The following CROCC2 variants were observed in gnomAD, a reference collection of about 807,000 sequenced individuals.
CROCC2 encodes ciliary rootlet coiled-coil protein 2.
In CROCC2, 163 loss-of-function variants were observed where a neutral mutation model predicts 177.6. The ratio of observed to expected loss-of-function variants is 0.92; its 90% CI spans 0.81 to 1.05. The LOEUF (loss-of-function observed/expected upper bound fraction) is 1.05. Ranked by LOEUF, CROCC2 falls within the 50% of genes least tolerant of loss-of-function variation. The pLI is 0.00. For missense variants in CROCC2, 1,929 were observed against 1,797.8 expected, an observed-to-expected ratio of 1.07 and a Z score of -1.32; for synonymous variants, 904 against 787.3, an observed-to-expected ratio of 1.15 and a Z score of -2.48.
rs1377167100 is a variant in CROCC2, at chr2:240,918,330, C to G, written c.79-396C>G. ...ACCGTGCAAACAAGCTGTGAGACCA[C>G]CTGCTCCAGGTGGGCGAGGATGTTG... On this transcript the variant is annotated intron_variant, in intron 1 of 31. Transcript: ENST00000690015. The surrounding 1 kb of genome is among the most constrained non-coding windows in gnomAD (Gnocchi z 6.3). Among the ~76,000 whole-genome samples the G allele has an allele frequency of 6.6e-6, 1 of 152,194 alleles. No homozygotes were observed. The highest frequency in any genetic ancestry group is 1.5e-5 in the Non-Finnish European group (1 of 68,030).
Position 240,949,488 on chromosome 2 carries a change from G to T in CROCC2, c.2483-45G>T, listed in dbSNP as rs538107709. ...CCTAGGAAGTCCCAAAGGGTTCAGG[G>T]GTCCACATGCCAGGCCCTGGTGCAT... On this transcript the variant is annotated intron_variant, in intron 16 of 31. Coordinates refer to ENST00000690015, the MANE Select transcript of CROCC2 (RefSeq NM_001351305.2). The surrounding 1 kb of genome is among the most constrained non-coding windows in gnomAD (Gnocchi z 4.5). The T allele has an allele frequency of 1.0e-5, 16 of 1,542,312 alleles. No homozygotes were observed. In the South Asian group the frequency reaches 1.7e-4, roughly 16 times the overall value.
In CROCC2 at chr2:240,949,404, G is replaced by A. The variant is rs2059540529; in HGVS notation, c.2483-129G>A. 3 of 1,205,914 alleles carry A rather than the reference G, an allele frequency of 2.5e-6. No individual in the cohort carries two copies. Among genetic ancestry groups the A allele is most frequent in the Non-Finnish European group, 2.3e-6 (2 of 864,338 alleles). The allele number at this position is 1,205,914 out of a possible 1,614,324, so 74.7% of individuals were successfully genotyped here. On this transcript the variant is annotated intron_variant, in intron 16 of 31. Transcript: ENST00000690015. This position sits in a 1 kb window ranked among gnomAD's most constrained non-coding sequence, Gnocchi z 4.5. ...CCCTGCTCAGCCCACCCTGCCATGT[G>A]CTGGCCACCCACTCCCGGAGCCTGG...
intron 5 of CROCC2, among the ~76,000 whole-genome samples, chr2:240,926,283 C>T (rs1424826510): frequency 3.9e-5 from 6 of 152,240 alleles, no homozygotes; most frequent in African/African-American, 1.4e-4. Context: ...CGTGGCCCCC[C>T]AGGTCCCCCT....
In CROCC2 at chr2:240,973,470, G is replaced by A. The variant is rs556761791; in HGVS notation, c.4401+5208G>A. 1.8e-4 allele frequency among the ~76,000 whole-genome samples: 28 copies of A among 152,094 alleles called. No homozygotes were observed. Among genetic ancestry groups the A allele is most frequent in the East Asian group, 1.7e-3 (9 of 5,168 alleles). On this transcript the variant is annotated intron_variant, in intron 27 of 31. Transcript: ENST00000690015. The surrounding 1 kb of genome is among the most constrained non-coding windows in gnomAD (Gnocchi z 4.7). The stretch of plus-strand genomic sequence containing the variant: ...GGACTGGCGCCCAGTCACAGCCTCC[G>A]TGGCTCAGGGAAGCTCACGGCGTTC...
In CROCC2 at chr2:240,982,680, C is replaced by T. The variant is rs902944897; in HGVS notation, c.4402-200C>T. ...CTTTCGTCTCAGGCTTCCTGGGGGT[C>T]CACACCTTTGAGGTTACATTGCAAA... On this transcript the variant is annotated intron_variant, in intron 27 of 31. Transcript: ENST00000690015. The surrounding 1 kb of genome is among the most constrained non-coding windows in gnomAD (Gnocchi z 4.7). 14 of 522,190 alleles carry T rather than the reference C, an allele frequency of 2.7e-5. No homozygotes were observed. Among genetic ancestry groups the T allele is most frequent in the Non-Finnish European group, 3.3e-5 (10 of 298,538 alleles). 32.3% of individuals were successfully genotyped at this position (522,190 alleles called of 1,614,324 possible). A position where few individuals can be genotyped will look rare whatever the true frequency, so the allele number is the denominator to read the frequency against.
intron 14 of CROCC2, among the ~76,000 whole-genome samples, chr2:240,939,382 T>C (rs2059485012): frequency 6.6e-6 from 1 of 152,122 alleles, no homozygotes; most frequent in African/African-American, 2.4e-5. Context: ...ATTTTATATA[T>C]TTTTTATTCA....
Position 240,949,041 on chromosome 2 carries a change from A to C in CROCC2, c.2426A>C (p.Gln809Pro). 1 of 1,549,788 alleles carries C rather than the reference A, an allele frequency of 6.5e-7. No individual in the cohort carries two copies. Among genetic ancestry groups the C allele is most frequent in the Non-Finnish European group, 8.7e-7 (1 of 1,146,866 alleles). Reference protein sequence around the residue: ...LEAQQLATKLQEQLEEEARSA... With the variant: ...LEAQQLATKLPEQLEEEARSA... The stretch of plus-strand genomic sequence containing the variant: ...GCCCAACAGCTGGCCACAAAGCTGC[A>C]GGAGCAGCTGGAGGAGGAAGCCCGG... Residue 809 changes from glutamine (Q) to proline (P), a missense_variant, in exon 16 of 32, where the codon CAG (glutamine) becomes CCG (proline). Around this residue, in one of 3 missense-constraint regions of CROCC2, gnomAD observed 1,397 missense variants for 1,239.9 expected, o/e 1.13. Transcript: ENST00000690015. The surrounding 1 kb of genome is among the most constrained non-coding windows in gnomAD (Gnocchi z 4.5).
Position 240,934,949 on chromosome 2 carries a change from G to A in CROCC2, c.1825G>A (p.Val609Met), listed in dbSNP as rs749416438. ...CAGCAATGCGGACCTGGAGCTTCTT[G>A]TGAGGCGGCTGAAGTCGGAGGGAGT... ...ECSNADLELL[V>M]RRLKSEGVEQ... The change falls in exon 13 of 32, where the codon GTG becomes ATG. Residue 609 changes from valine (V) to methionine (M), a missense_variant. Coordinates refer to ENST00000690015, the MANE Select transcript of CROCC2 (RefSeq NM_001351305.2). 1.9e-5 allele frequency: 29 copies of A among 1,520,426 alleles called. No individual in the cohort carries two copies. The South Asian group carries it at 3.1e-4, about 16-fold the overall frequency. The allele number at this position is 1,520,426 out of a possible 1,614,324, so 94.2% of individuals were successfully genotyped here.
At chr2:240,963,394 G>A in intron 20 of CROCC2, 162 bp from the exon 21 acceptor site, 1 of 716,358 alleles carries the variant, frequency 1.4e-6, no homozygotes, top group Non-Finnish European at 2.2e-6. Context: ...AGCCTCCGCA[G>A]CACTAGGGAT....
chr2:240,960,717 G>A lies in CROCC2; in HGVS notation c.3087+1273G>A, dbSNP rs115378401. Among the ~76,000 whole-genome samples the A allele has an allele frequency of 0.016, 2,503 of 152,250 alleles. 33 individuals carry two copies. Among genetic ancestry groups the A allele is most frequent in the Middle Eastern group, 0.051 (15 of 292 alleles). ...GCCCCAGAGGCCGGGCCGGCCGGCAGGGGAGAGTGAGAAGAGGGGCTCAGC... is the reference window on the plus strand; with the variant it reads ...GCCCCAGAGGCCGGGCCGGCCGGCAAGGGAGAGTGAGAAGAGGGGCTCAGC... On this transcript the variant is annotated intron_variant, in intron 20 of 31. Coordinates refer to ENST00000690015, the MANE Select transcript of CROCC2 (RefSeq NM_001351305.2). The surrounding 1 kb of genome is among the most constrained non-coding windows in gnomAD (Gnocchi z 5.0).
intron 14 of CROCC2, 40 bp from the exon 15 acceptor site, chr2:240,946,020 T>A (rs1020010054): frequency 4.5e-5 from 64 of 1,437,156 alleles, no homozygotes; most frequent in Non-Finnish European, 5.6e-5. Flanking sequence ...ACCCACTTAC[T>A]CTCTTTCTCT....
At chr2:240,932,220 G>A (rs2059436071) in intron 7 of CROCC2, 98 bp from the exon 8 acceptor site, 1 of 629,558 alleles carries the variant, frequency 1.6e-6, no homozygotes, top group Non-Finnish European at 2.9e-6. Context: ...CCGGCAGGGG[G>A]GCCACCGCAC....
chr2:240,929,536 T>C, intron 5 of CROCC2: 3 of 379,564 alleles, frequency 7.9e-6, no homozygotes, highest in South Asian at 1.9e-5. Flanking sequence ...CCCACTCCGC[T>C]CCGTTACAGC....
intron 31 of CROCC2, 25 bp from the exon 32 acceptor site, chr2:240,993,041 C>T (rs887677784): frequency 4.0e-5 from 29 of 716,406 alleles, no homozygotes; most frequent in South Asian, 4.4e-5. Flanking sequence ...GCGGTGTCCA[C>T]GCCTCCCTCT....
At position 240,946,098 on chromosome 2, in the gene CROCC2, T is replaced by G; in HGVS notation, c.2208T>G (p.Ala736=). The G allele has an allele frequency of 6.5e-7, 1 of 1,532,618 alleles. No individual in the cohort carries two copies. The highest frequency in any genetic ancestry group is 1.2e-5 in the South Asian group (1 of 83,116). 94.9% of individuals were successfully genotyped at this position (1,532,618 alleles called of 1,614,324 possible). A position where few individuals can be genotyped will look rare whatever the true frequency, so the allele number is the denominator to read the frequency against. Residue 736 remains alanine, a synonymous_variant, in exon 15 of 32, where the codon GCT becomes GCG. Transcript: ENST00000690015. ...CQKQALEEQL[A]QSLQDQEAQM... ...AACAGGCCCTGGAGGAGCAGCTGGC[T>G]CAGAGCCTGCAGGACCAGGAGGCCC...
At chr2:240,935,688 C>A in intron 14 of CROCC2, 100 bp downstream of exon 14, 2 of 841,548 alleles carry the variant, frequency 2.4e-6, no homozygotes, top group Non-Finnish European at 3.3e-6. Flanking sequence ...TCAGGATGCC[C>A]ACATCAGCTC....
At chr2:240,965,580 G>A in intron 23 of CROCC2, 56 bp from the exon 24 acceptor site, 2 of 1,549,532 alleles carry the variant, frequency 1.3e-6, no homozygotes, top group Admixed American at 3.9e-5. Flanking sequence ...GAGGGAGGAG[G>A]CCCACCCCAC....
chr2:240,969,307 A>G (rs1177560726), intron 27 of CROCC2, among the ~76,000 whole-genome samples: 2 of 152,222 alleles, frequency 1.3e-5, no homozygotes, highest in Non-Finnish European at 2.9e-5. Context: ...AGGCCACCAG[A>G]GGGCTGTCAG....
At chr2:240,919,117 C>T (rs34192880) in intron 2 of CROCC2, among the ~76,000 whole-genome samples, 2 of 120,396 alleles carry the variant, frequency 1.7e-5, no homozygotes, top group Non-Finnish European at 3.4e-5. Context: ...CCTGGGCCCG[C>T]GGCTGGCCAA....
Sources: gnomAD v4.1 joint callset for allele counts (sites outside exome capture counted in the v4.1 genomes callset) on GRCh38, gnomAD v4.1.1 for gene constraint, gnomAD v4.1.1 regional missense constraint, Gnocchi (gnomAD v3.1) non-coding constraint, MANE v1.5 for transcripts, NCBI Gene and HGNC (gene_info 2026-07-23, HGNC 2026-07-21) for gene names.